TIAM1: variants seen among roughly 807,000 people sequenced by gnomAD.
The protein encoded by TIAM1 is rho guanine nucleotide exchange factor TIAM1.
In TIAM1, 65 loss-of-function variants were observed where a neutral mutation model predicts 163.5. The ratio of observed to expected loss-of-function variants is 0.40; its 90% CI spans 0.33 to 0.49. The LOEUF (loss-of-function observed/expected upper bound fraction) is 0.49. TIAM1 is among the 20% of genes least tolerant of loss of function. TIAM1 has a pLI of 0.77. For missense variants in TIAM1, 1,789 were observed against 2,044.7 expected, an observed-to-expected ratio of 0.87 and a Z score of 2.41; for synonymous variants, 833 against 810.1, an observed-to-expected ratio of 1.03 and a Z score of -0.48.
At chr21:31,199,809 C>T (rs1183591827) in intron 12 of TIAM1, among the ~76,000 whole-genome samples, 2 of 151,522 alleles carry the variant, frequency 1.3e-5, no homozygotes, top group Non-Finnish European at 2.9e-5. Context: ...GGATTACAGG[C>T]GTGAGCCACC....
chr21:31,138,178 G>C (rs1304329471), intron 22 of TIAM1, among the ~76,000 whole-genome samples: 1 of 152,010 alleles, frequency 6.6e-6, no homozygotes, highest in African/African-American at 2.4e-5. Context: ...TCTTTTAAGG[G>C]GAAATGCCCT....
intron 2 of TIAM1, among the ~76,000 whole-genome samples, chr21:31,410,549 G>T (rs1346716030): frequency 6.6e-6 from 1 of 152,078 alleles, no homozygotes; most frequent in East Asian, 1.9e-4. Context: ...GTATAAGTGT[G>T]AGCATGTGTG....
At chr21:31,317,756 G>C (rs902201339) in intron 2 of TIAM1, among the ~76,000 whole-genome samples, 2 of 151,956 alleles carry the variant, frequency 1.3e-5, no homozygotes, top group African/African-American at 4.8e-5. Context: ...TTCCAACCTG[G>C]GCAACAGAGT....
upstream of TIAM1, among the ~76,000 whole-genome samples, chr21:31,345,491 C>CATAT (rs35276686): frequency 2.1e-4 from 31 of 150,920 alleles, no homozygotes; most frequent in South Asian, 8.4e-4. Flanking sequence ...CGGATTCACA[C>CATAT]ATATATATAT....
intron 2 of TIAM1, among the ~76,000 whole-genome samples, chr21:31,374,423 T>C (rs1485835638): frequency 6.6e-6 from 1 of 152,202 alleles, no homozygotes; most frequent in Non-Finnish European, 1.5e-5. Flanking sequence ...ATATACGGAA[T>C]ATTCTGCATC....
intron 2 of TIAM1, among the ~76,000 whole-genome samples, chr21:31,396,118 CTAT>C (rs2077063974): frequency 6.6e-6 from 1 of 152,168 alleles, no homozygotes; most frequent in Non-Finnish European, 1.5e-5. Context: ...AACAGATACA[CTAT>C]TATTTTCCAT....
intron 20 of TIAM1, among the ~76,000 whole-genome samples, chr21:31,146,121 A>G (rs1256817325): frequency 6.6e-6 from 1 of 152,210 alleles, no homozygotes; most frequent in African/African-American, 2.4e-5. Context: ...ATAGCAAGGT[A>G]AAACTTTCAT....
At chr21:31,200,224 CTACT>C in intron 12 of TIAM1, among the ~76,000 whole-genome samples, 1 of 152,174 alleles carries the variant, frequency 6.6e-6, no homozygotes, top group East Asian at 1.9e-4. Flanking sequence ...CTATTCCCAG[CTACT>C]TGGGAGGCTG....
At chr21:31,130,434 T>G in intron 24 of TIAM1, 119 bp from the exon 25 acceptor site, 1 of 742,016 alleles carries the variant, frequency 1.3e-6, no homozygotes, top group Admixed American at 2.3e-5. Flanking sequence ...GCCCAAAGGA[T>G]CTTCACCCCC....
chr21:31,360,841 TAA>T (rs2076395045), intron 2 of TIAM1, among the ~76,000 whole-genome samples: 3 of 152,170 alleles, frequency 2.0e-5, no homozygotes, highest in Admixed American at 2.0e-4. Flanking sequence ...TTACAAAATG[TAA>T]ATTCAAACCA....
intron 2 of TIAM1, among the ~76,000 whole-genome samples, chr21:31,291,481 A>G (rs2074017181): frequency 6.6e-6 from 1 of 152,032 alleles, no homozygotes; most frequent in Non-Finnish European, 1.5e-5. Flanking sequence ...CCTCCAAAAT[A>G]CACACCCTTC....
At chr21:31,372,428 T>C (rs1390955091) in intron 2 of TIAM1, among the ~76,000 whole-genome samples, 5 of 152,146 alleles carry the variant, frequency 3.3e-5, no homozygotes, top group African/African-American at 1.2e-4. Context: ...GTAGGAAATA[T>C]GGAGGCTTTG....
At chr21:31,146,402 TCAAAA>T (rs1281308975) in intron 20 of TIAM1, among the ~76,000 whole-genome samples, 45 of 43,516 alleles carry the variant, frequency 1.0e-3, no homozygotes, top group African/African-American at 5.2e-3. Context: ...AGGCTCTGTG[TCAAAA>T]AAAAAAAAAA....
At chr21:31,195,779 A>G (rs2085819366) in intron 12 of TIAM1, among the ~76,000 whole-genome samples, 1 of 152,186 alleles carries the variant, frequency 6.6e-6, no homozygotes, top group South Asian at 2.1e-4. Flanking sequence ...AAAGGAGGAT[A>G]TTCTTTTTTT....
chr21:31,527,195 T>C (rs1408286620), intron 1 of TIAM1, among the ~76,000 whole-genome samples: 1 of 152,084 alleles, frequency 6.6e-6, no homozygotes, highest in African/African-American at 2.4e-5. Context: ...TCTCCATGCC[T>C]CCTGCCTCTG....
chr21:31,526,033 CAAAA>C (rs10706618), intron 1 of TIAM1, among the ~76,000 whole-genome samples: 5 of 107,694 alleles, frequency 4.6e-5, no homozygotes, highest in Non-Finnish European at 7.6e-5. Flanking sequence ...GACTCCATCT[CAAAA>C]AAAAAAAAAA....
At position 31,217,627 on chromosome 21, in the gene TIAM1, T is replaced by A. The variant is rs751070514; in HGVS notation, c.2068A>T (p.Arg690Trp). Residue 690 changes from arginine to tryptophan, a missense_variant, in exon 9 of 28, where the codon AGG (arginine) becomes TGG (tryptophan). This residue lies in a region of TIAM1 where 456 missense variants were observed against 586.6 expected (regional missense o/e 0.78). Coordinates refer to ENST00000541036, the MANE Select transcript of TIAM1 (RefSeq NM_001353694.2). ...QAMSRSASKR[R>W]SRFSSLWGLD... The stretch of plus-strand genomic sequence containing the variant: ...CCCCACAGAGAAGAAAACCTGCTCC[T>A]TCGCTTGCTCGCGGATCTGGACATG... 1 of 1,614,132 alleles carries A rather than the reference T, an allele frequency of 6.2e-7. No homozygotes were observed.
chr21:31,204,988 G>A (rs866401045), intron 11 of TIAM1, among the ~76,000 whole-genome samples: 11 of 152,174 alleles, frequency 7.2e-5, no homozygotes, highest in African/African-American at 2.7e-4. Context: ...GCCTATATTT[G>A]AGACCAGATG....
At chr21:31,278,608 GCAGTAA>G (rs1443905267) in intron 2 of TIAM1, among the ~76,000 whole-genome samples, 1 of 152,200 alleles carries the variant, frequency 6.6e-6, no homozygotes, top group Non-Finnish European at 1.5e-5. Context: ...CCACATACAG[GCAGTAA>G]ATAAATATAT....
Sources: gnomAD v4.1 joint callset for allele counts (sites outside exome capture counted in the v4.1 genomes callset) on GRCh38, gnomAD v4.1.1 for gene constraint, gnomAD v4.1.1 regional missense constraint, MANE v1.5 for transcripts, NCBI Gene and HGNC (gene_info 2026-07-23, HGNC 2026-07-21) for gene names.